ACOT8: variants seen among roughly 807,000 people sequenced by gnomAD.
ACOT8 encodes the protein acyl-CoA thioesterase 8, also known as acyl-coenzyme A thioesterase 8.
A neutral mutation model predicts 38.4 loss-of-function variants in ACOT8; 31 were observed. That is an observed-to-expected ratio of 0.81 (90% CI 0.61 to 1.09). The LOEUF is 1.09. Ranked by LOEUF, ACOT8 falls within the 50% of genes least tolerant of loss-of-function variation. The pLI is 0.00. For synonymous variants in ACOT8, 158 were observed against 170.3 expected (o/e 0.93, Z 0.56); for missense variants, 373 against 421.8 (o/e 0.88, Z 1.01).
intron 5 of ACOT8, 120 bp from the exon 6 acceptor site, chr20:45,842,076 A>C: frequency 6.5e-7 from 1 of 1,540,308 alleles, no homozygotes; most frequent in Non-Finnish European, 8.7e-7. Context: ...CCTGGGTTCA[A>C]GGGATCCTCC....
chr20:45,852,271 G>A (rs535637717), intron 2 of ACOT8, among the ~76,000 whole-genome samples: 7 of 151,252 alleles, frequency 4.6e-5, no homozygotes, highest in East Asian at 3.9e-4. Flanking sequence ...GGGTTCAAGC[G>A]ATTCTCCTGA....
chr20:45,845,403 C>T (rs1568736029), intron 3 of ACOT8, among the ~76,000 whole-genome samples: 1 of 152,064 alleles, frequency 6.6e-6, no homozygotes, highest in Non-Finnish European at 1.5e-5. Context: ...TTTATGTTGC[C>T]CAGGCTGGTC....
intron 2 of ACOT8, among the ~76,000 whole-genome samples, chr20:45,849,414 G>T (rs77885779): frequency 1.5e-4 from 22 of 150,452 alleles, no homozygotes; most frequent in Admixed American, 2.6e-4. Flanking sequence ...CCTCCTGAGT[G>T]GGGGGGGACT....
At chr20:45,852,540 A>G (rs1985135811) in intron 2 of ACOT8, among the ~76,000 whole-genome samples, 1 of 152,082 alleles carries the variant, frequency 6.6e-6, no homozygotes, top group Admixed American at 6.6e-5. Flanking sequence ...AACAGATAAG[A>G]GCTCTCCCCT....
intron 1 of ACOT8, among the ~76,000 whole-genome samples, chr20:45,856,836 A>G (rs527872484): frequency 2.6e-5 from 4 of 152,350 alleles, no homozygotes; most frequent in African/African-American, 9.6e-5. Context: ...TGAAGACACA[A>G]GGAGCTGCGG....
chr20:45,846,469 C>G (rs1984690868), intron 3 of ACOT8, among the ~76,000 whole-genome samples: 1 of 152,180 alleles, frequency 6.6e-6, no homozygotes, highest in Admixed American at 6.5e-5. Flanking sequence ...CTTGCCCAAA[C>G]TCACACAGCT....
At chr20:45,853,697 C>T (rs1173895120) in intron 2 of ACOT8, 2 of 246,622 alleles carry the variant, frequency 8.1e-6, no homozygotes, top group Non-Finnish European at 1.6e-5. Context: ...TATTTACTCC[C>T]AACTAGCATA....
At position 45,857,199 on chromosome 20, in the gene ACOT8, C is replaced by G; in HGVS notation, c.117G>C (p.Glu39Asp). Reference sequence around the variant, plus strand: ...GAGCTGCCGGCTACCTGAAGAGATCCTCGTCCAGCGGCTCGAGGTTGAGCA... The same window carrying G: ...GAGCTGCCGGCTACCTGAAGAGATCGTCGTCCAGCGGCTCGAGGTTGAGCA... ...TTVLNLEPLDEDLFRGRHYWV... is the reference protein window; with the variant it reads ...TTVLNLEPLDDDLFRGRHYWV... The change falls in exon 1 of 6, where the codon GAG becomes GAC. Residue 39 changes from glutamate (E) to aspartate (D), a missense_variant. Glu to Asp is a conservative substitution (Grantham distance 45). Coordinates refer to ENST00000217455, the MANE Select transcript of ACOT8 (RefSeq NM_005469.4). The G allele has an allele frequency of 6.2e-7, 1 of 1,613,338 alleles. No individual in the cohort carries two copies.
chr20:45,856,827 G>T (rs1985478241), intron 1 of ACOT8, among the ~76,000 whole-genome samples: 1 of 152,268 alleles, frequency 6.6e-6, no homozygotes, highest in Non-Finnish European at 1.5e-5. Flanking sequence ...AAAGGATACT[G>T]AAGACACAAG....
At position 45,848,647 on chromosome 20, in the gene ACOT8, T is replaced by A. The variant is rs776099929; in HGVS notation, c.291A>T (p.Gln97His). 4 of 1,612,666 alleles carry A rather than the reference T, an allele frequency of 2.5e-6. No homozygotes were observed. The Admixed American group carries it at 6.7e-5, about 27-fold the overall frequency. ...AGDPKLPVLY[Q>H]VERTRTGSSF... ...TCGACCCTGTTCGTGTCCGCTCCAC[T>A]TGGTACAGTACTGGCAGCTTCGGGT... is the stretch of plus-strand genomic sequence containing the variant. Residue 97 changes from glutamine to histidine, a missense_variant, in exon 3 of 6, where the codon CAA (glutamine) becomes CAT (histidine). Physicochemically the swap from Gln to His is conservative, Grantham distance 24. Coordinates refer to ENST00000217455, the MANE Select transcript of ACOT8 (RefSeq NM_005469.4).
chr20:45,847,452 C>T (rs115164648), intron 3 of ACOT8, among the ~76,000 whole-genome samples: 2,976 of 150,840 alleles, frequency 0.02, 120 homozygotes, highest in African/African-American at 0.067. Flanking sequence ...TTTTTTTTCC[C>T]AGGTATGGTG....
Position 45,841,959 on chromosome 20 carries a change from G to A in ACOT8, c.842-3C>T. Reference sequence around the variant, plus strand: ...ATGGACCAGCCCCCGAGAGCCACCTGTGGGTGAGGTGAAGGGTGATGATGG... The same window carrying A: ...ATGGACCAGCCCCCGAGAGCCACCTATGGGTGAGGTGAAGGGTGATGATGG... On this transcript the variant is annotated splice_region_variant and splice_polypyrimidine_tract_variant and intron_variant, in intron 5 of 5. Coordinates refer to ENST00000217455, the MANE Select transcript of ACOT8 (RefSeq NM_005469.4). 6.2e-7 allele frequency: 1 copy of A among 1,613,140 alleles called. No homozygotes were observed. Among genetic ancestry groups the A allele is most frequent in the Non-Finnish European group, 8.5e-7 (1 of 1,179,954 alleles).
intron 2 of ACOT8, among the ~76,000 whole-genome samples, chr20:45,851,461 G>A (rs778737912): frequency 3.9e-5 from 6 of 152,188 alleles, no homozygotes; most frequent in Non-Finnish European, 8.8e-5. Flanking sequence ...CAGTACTCTG[G>A]TCTACCTTTC....
At chr20:45,844,014 C>T in intron 4 of ACOT8, 2 of 786,356 alleles carry the variant, frequency 2.5e-6, no homozygotes, top group South Asian at 3.2e-5. Flanking sequence ...AGCAGCAAAG[C>T]TGGACAACAA....
At chr20:45,842,355 T>G in intron 5 of ACOT8, 1 of 1,359,088 alleles carries the variant, frequency 7.4e-7, no homozygotes, top group East Asian at 2.9e-5. Context: ...GGAGGAGCTC[T>G]GAGAACAGTC....
chr20:45,842,541 A>C, intron 5 of ACOT8: 1 of 1,005,824 alleles, frequency 9.9e-7, no homozygotes, highest in Non-Finnish European at 1.2e-6. Flanking sequence ...ACTTGAGGCC[A>C]TGAGGTCTGG....
chr20:45,844,288 G>C lies in ACOT8; in HGVS notation c.621C>G (p.Phe207Leu), dbSNP rs746525798. 26 of 1,614,090 alleles carry C rather than the reference G, an allele frequency of 1.6e-5. No individual in the cohort carries two copies. Among genetic ancestry groups the C allele is most frequent in the Non-Finnish European group, 2.2e-5 (26 of 1,180,042 alleles). The part of the protein sequence containing the change: ...QLQRMEPKQM[F>L]WVRARGYIGE... ...CAATATAGCCCCGGGCTCGCACCCAGAACATCTGTTTGGGCTCCATTCTCT... is the reference window on the plus strand; with the variant it reads ...CAATATAGCCCCGGGCTCGCACCCACAACATCTGTTTGGGCTCCATTCTCT... The change falls in exon 4 of 6, where the codon TTC becomes TTG. Residue 207 changes from phenylalanine (F) to leucine (L), a missense_variant. Physicochemically the swap from Phe to Leu is conservative, Grantham distance 22. Transcript: ENST00000217455.
At chr20:45,855,949 T>C (rs1985391989) in intron 1 of ACOT8, among the ~76,000 whole-genome samples, 1 of 152,092 alleles carries the variant, frequency 6.6e-6, no homozygotes, top group Non-Finnish European at 1.5e-5. Flanking sequence ...TGGCATTTTC[T>C]GTAACAATGA....
chr20:45,844,199 A>G (rs761423538), intron 4 of ACOT8, 64 bp downstream of exon 4: 24 of 1,607,882 alleles, frequency 1.5e-5, no homozygotes, highest in East Asian at 1.3e-4. Context: ...GCCCAAGGCC[A>G]CACAGCAAAT....
Sources: allele counts gnomAD v4.1 joint callset (sites outside exome capture counted in the v4.1 genomes callset), GRCh38; gene constraint gnomAD v4.1.1; transcripts MANE v1.5; gene names NCBI Gene and HGNC (gene_info 2026-07-23, HGNC 2026-07-21).